Variants in COPG2 observed in about 807,000 individuals in gnomAD.
COPG2 encodes the protein coatomer subunit gamma-2.
Under a neutral mutation model 46.3 loss-of-function variants are expected in COPG2, and 37 were observed. That is an observed-to-expected ratio of 0.80 (90% CI 0.61 to 1.05). The LOEUF (loss-of-function observed/expected upper bound fraction) is 1.05. Among genes scored for constraint, COPG2 ranks in the 50% least tolerant of loss-of-function variants. The pLI, the probability that COPG2 is intolerant of heterozygous loss-of-function variation, is 0.00. For missense variants in COPG2, 427 were observed against 387.8 expected, an observed-to-expected ratio of 1.10 and a Z score of -0.85; for synonymous variants, 159 against 129.7, an observed-to-expected ratio of 1.23 and a Z score of -1.53.
rs1333399393 is a variant in COPG2, at chr7:130,556,274, T to C, written c.1129-1142A>G. On this transcript the variant is annotated intron_variant, in intron 12 of 23. Transcript: ENST00000425248. ...TGCTCTAAATACTATTAGTATTTCCTGGGGCTGCAAGGAAATCTTCCCTTT... is the reference window on the plus strand; with the variant it reads ...TGCTCTAAATACTATTAGTATTTCCCGGGGCTGCAAGGAAATCTTCCCTTT... Among the ~76,000 whole-genome samples, 4 of 152,300 alleles carry C rather than the reference T, an allele frequency of 2.6e-5. No individual in the cohort carries two copies. The East Asian group carries it at 7.7e-4, about 29-fold the overall frequency.
At chr7:130,583,351 T>TGGGGGGA (rs1794193323) in intron 9 of COPG2, among the ~76,000 whole-genome samples, 1 of 38,522 alleles carries the variant, frequency 2.6e-5, no homozygotes, top group Non-Finnish European at 5.0e-5. Flanking sequence ...CTGTGGGGGG[T>TGGGGGGA]GGGGGGAGTG....
chr7:130,634,740 T>C (rs1277577024), intron 5 of COPG2, among the ~76,000 whole-genome samples: 1 of 152,096 alleles, frequency 6.6e-6, no homozygotes, highest in African/African-American at 2.4e-5. Flanking sequence ...GAACTTCCAA[T>C]AATATGTTGA....
At chr7:130,509,460 T>A in intron 20 of COPG2, 1 of 378,180 alleles carries the variant, frequency 2.6e-6, no homozygotes, top group Non-Finnish European at 5.1e-6. Context: ...GTACAAAAAA[T>A]ATTAGATATT....
intron 9 of COPG2, chr7:130,609,999 C>A: frequency 2.0e-6 from 1 of 493,082 alleles, no homozygotes; most frequent in Non-Finnish European, 4.0e-6. Context: ...GTTTAAAAGT[C>A]ACTGCCTAGT....
chr7:130,661,338 T>C (rs1275207419), intron 4 of COPG2, among the ~76,000 whole-genome samples: 1 of 152,202 alleles, frequency 6.6e-6, no homozygotes, highest in Non-Finnish European at 1.5e-5. Context: ...GACACCTGGC[T>C]GCAAAAACAA....
chr7:130,557,713 G>A (rs1045244412), intron 12 of COPG2, among the ~76,000 whole-genome samples: 1 of 150,084 alleles, frequency 6.7e-6, no homozygotes, highest in Non-Finnish European at 1.5e-5. Context: ...TACTTGGGAG[G>A]CTGAGGCAGG....
intron 5 of COPG2, among the ~76,000 whole-genome samples, chr7:130,629,306 T>C (rs1033130538): frequency 2.0e-5 from 3 of 152,072 alleles, no homozygotes; most frequent in Non-Finnish European, 4.4e-5. Context: ...ATGCATTTTG[T>C]TGTCTGTAAT....
At chr7:130,644,006 T>C (rs1283656693) in intron 5 of COPG2, among the ~76,000 whole-genome samples, 13 of 152,076 alleles carry the variant, frequency 8.5e-5, no homozygotes, top group African/African-American at 2.2e-4. Context: ...GCAAAGATCA[T>C]TGGGAAATTC....
At chr7:130,653,071 T>TA in intron 4 of COPG2, 123 bp from the exon 5 acceptor site, 1 of 609,524 alleles carries the variant, frequency 1.6e-6, no homozygotes, top group South Asian at 2.3e-5. Flanking sequence ...GAGTCTCATC[T>TA]ACCAAAAAAA....
intron 5 of COPG2, among the ~76,000 whole-genome samples, chr7:130,641,895 T>A (rs1019906296): frequency 6.6e-6 from 1 of 152,208 alleles, no homozygotes; most frequent in Non-Finnish European, 1.5e-5. Flanking sequence ...GCCTAGCTGA[T>A]AACAGTTTCT....
chr7:130,663,079 T>C, intron 3 of COPG2, 41 bp from the exon 4 acceptor site: 2 of 1,070,846 alleles, frequency 1.9e-6, no homozygotes, highest in Non-Finnish European at 1.3e-6. Context: ...TTAAAAAGTG[T>C]ATATTCATAT....
intron 5 of COPG2, among the ~76,000 whole-genome samples, chr7:130,621,031 T>C (rs1795030473): frequency 6.6e-6 from 1 of 152,184 alleles, no homozygotes; most frequent in Admixed American, 6.5e-5. Context: ...GGGTGAGTCC[T>C]AAATGTAATC....
At chr7:130,544,552 C>G (rs1452651361) in intron 20 of COPG2, among the ~76,000 whole-genome samples, 1 of 151,764 alleles carries the variant, frequency 6.6e-6, no homozygotes, top group African/African-American at 2.4e-5. Context: ...TGCAATAAAA[C>G]CTGATAAATA....
intron 5 of COPG2, among the ~76,000 whole-genome samples, chr7:130,628,717 C>T (rs186867668): frequency 4.6e-5 from 7 of 152,194 alleles, no homozygotes; most frequent in Non-Finnish European, 7.4e-5. Context: ...CAGAGTAAGA[C>T]AGCTACCAAT....
At chr7:130,652,169 A>G (rs1317497659) in intron 5 of COPG2, among the ~76,000 whole-genome samples, 1 of 152,230 alleles carries the variant, frequency 6.6e-6, no homozygotes, top group Admixed American at 6.5e-5. Context: ...GTTGCAACAA[A>G]CATCAATATA....
chr7:130,637,394 C>T (rs1795363326), intron 5 of COPG2, among the ~76,000 whole-genome samples: 1 of 152,062 alleles, frequency 6.6e-6, no homozygotes, highest in Non-Finnish European at 1.5e-5. Context: ...TGACATAGTC[C>T]CATATTTCTT....
chr7:130,655,892 A>G (rs1020518234), intron 4 of COPG2, among the ~76,000 whole-genome samples: 7 of 152,226 alleles, frequency 4.6e-5, no homozygotes. Flanking sequence ...CAAAACAGAA[A>G]AATGTTCTTA....
chr7:130,516,570 G>A (rs1456124171), intron 20 of COPG2, among the ~76,000 whole-genome samples: 1 of 152,214 alleles, frequency 6.6e-6, no homozygotes, highest in Non-Finnish European at 1.5e-5. Flanking sequence ...AAAGATGGAG[G>A]TTGGATGCTA....
At chr7:130,619,578 T>A (rs1350688804) in intron 5 of COPG2, among the ~76,000 whole-genome samples, 1 of 152,260 alleles carries the variant, frequency 6.6e-6, no homozygotes, top group Non-Finnish European at 1.5e-5. Flanking sequence ...ATTCTATCTT[T>A]AATCATAATT....
Sources: allele counts gnomAD v4.1 joint callset (sites outside exome capture counted in the v4.1 genomes callset), GRCh38; gene constraint gnomAD v4.1.1; transcripts MANE v1.5; gene names NCBI Gene and HGNC (gene_info 2026-07-23, HGNC 2026-07-21).